Variants in GPC5 observed in about 807,000 individuals in gnomAD.
The protein encoded by GPC5 is glypican 5, also known as glypican-5.
Under a neutral mutation model 53.9 loss-of-function variants are expected in GPC5, and 47 were observed. That is an observed-to-expected ratio of 0.87 (90% CI 0.69 to 1.11). GPC5 has a LOEUF of 1.11. GPC5 is among the 50% of genes most tolerant of loss of function. The probability of loss-of-function intolerance (pLI) is 0.00; values close to 1 mark genes in which losing one functional copy is unlikely to be tolerated. For synonymous variants in GPC5, 286 were observed against 263.3 expected (o/e 1.09, Z -0.84); for missense variants, 748 against 713.1 (o/e 1.05, Z -0.56).
intron 7 of GPC5, among the ~76,000 whole-genome samples, chr13:92,382,565 CTGAAGT>C (rs2043757935): frequency 3.1e-5 from 1 of 32,780 alleles, no homozygotes; most frequent in Non-Finnish European, 6.6e-5. Context: ...ACTTCTTTGA[CTGAAGT>C]TGTTCACACC....
At chr13:92,614,482 T>C (rs1343170352) in intron 7 of GPC5, among the ~76,000 whole-genome samples, 1 of 152,186 alleles carries the variant, frequency 6.6e-6, no homozygotes, top group Non-Finnish European at 1.5e-5. Context: ...GATAAATCTA[T>C]CATAAAAGTC....
rs1447307595 is a variant in GPC5, at chr13:92,521,116, G to A, written c.1562-345166G>A. 3.9e-5 allele frequency among the ~76,000 whole-genome samples: 6 copies of A among 152,206 alleles called. No homozygotes were observed. In the South Asian group the frequency reaches 8.3e-4, roughly 21 times the overall value. On this transcript the variant is annotated intron_variant, in intron 7 of 7. Transcript: ENST00000377067. ...GGAGAACTACAAACCACTGCTCAAC[G>A]AAATAAAAGAGGATATAAACAAGTG...
intron 7 of GPC5, among the ~76,000 whole-genome samples, chr13:92,645,037 C>T (rs537615903): frequency 6.6e-6 from 1 of 152,148 alleles, no homozygotes; most frequent in Non-Finnish European, 1.5e-5. Flanking sequence ...AGGTGACATT[C>T]ACTAATTCTA....
intron 2 of GPC5, among the ~76,000 whole-genome samples, chr13:91,613,810 A>C (rs866340180): frequency 1.3e-5 from 2 of 152,212 alleles, no homozygotes; most frequent in Non-Finnish European, 2.9e-5. Flanking sequence ...CACCATATTC[A>C]TGGTTACTGA....
At chr13:92,317,790 C>A (rs963600730) in intron 7 of GPC5, among the ~76,000 whole-genome samples, 2 of 152,102 alleles carry the variant, frequency 1.3e-5, no homozygotes, top group Non-Finnish European at 2.9e-5. Flanking sequence ...CATGAGCCAC[C>A]GCACCCGGCC....
intron 7 of GPC5, among the ~76,000 whole-genome samples, chr13:92,815,325 T>C (rs556022612): frequency 2.0e-4 from 30 of 152,086 alleles, no homozygotes; most frequent in Admixed American, 2.6e-4. Context: ...TCCCACTTCA[T>C]TGGAGCAGAG....
intron 2 of GPC5, among the ~76,000 whole-genome samples, chr13:91,593,132 C>T (rs2032865748): frequency 6.6e-6 from 1 of 152,214 alleles, no homozygotes; most frequent in Admixed American, 6.5e-5. Context: ...AGGTTCATCG[C>T]AAGGGTGAGC....
At chr13:92,391,198 ACATTAATAT>A (rs942503061) in intron 7 of GPC5, among the ~76,000 whole-genome samples, 6 of 152,158 alleles carry the variant, frequency 3.9e-5, no homozygotes, top group African/African-American at 1.4e-4. Context: ...ATTACATTTT[ACATTAATAT>A]CATTAATTCT....
rs539144791 is a variant in GPC5 at position 92,442,536 on chromosome 13, A to T, written c.1561+297547A>T. Among the ~76,000 whole-genome samples the T allele has an allele frequency of 7.9e-5, 12 of 152,286 alleles. 1 individual carries two copies. The Middle Eastern group carries it at 0.01, about 129-fold the overall frequency. On this transcript the variant is annotated intron_variant, in intron 7 of 7. Transcript: ENST00000377067. ...ATTTTTAGACATTATTTTTAAATGT[A>T]TATATCAACTGTTTTCACTCATCAA...
chr13:91,554,718 G>A (rs2030845809), intron 2 of GPC5, among the ~76,000 whole-genome samples: 1 of 152,092 alleles, frequency 6.6e-6, no homozygotes, highest in Non-Finnish European at 1.5e-5. Flanking sequence ...GTTAGACTCT[G>A]TCGTGGTGAA....
chr13:92,169,290 A>G (rs916869436), intron 7 of GPC5, among the ~76,000 whole-genome samples: 1 of 152,232 alleles, frequency 6.6e-6, no homozygotes, highest in Non-Finnish European at 1.5e-5. Context: ...GCACATGTTT[A>G]CCTATGTAAC....
At chr13:92,124,161 C>G (rs1594772774) in intron 6 of GPC5, among the ~76,000 whole-genome samples, 1 of 135,024 alleles carries the variant, frequency 7.4e-6, no homozygotes, top group Middle Eastern at 4.6e-3. Context: ...CAAATAAAGA[C>G]AGACATATTC....
chr13:92,753,179 C>T (rs1874671848), intron 7 of GPC5, among the ~76,000 whole-genome samples: 1 of 152,142 alleles, frequency 6.6e-6, no homozygotes, highest in East Asian at 1.9e-4. Context: ...GGTCCCTGAC[C>T]CCTGACCCCC....
chr13:92,789,128 C>A (rs1455678642), intron 7 of GPC5, among the ~76,000 whole-genome samples: 1 of 152,100 alleles, frequency 6.6e-6, no homozygotes, highest in Non-Finnish European at 1.5e-5. Flanking sequence ...CATGTTCAGT[C>A]ATTGGCTGGG....
At chr13:91,990,612 T>C (rs1416335367) in intron 6 of GPC5, among the ~76,000 whole-genome samples, 1 of 152,248 alleles carries the variant, frequency 6.6e-6, no homozygotes, top group African/African-American at 2.4e-5. Context: ...TTTTGTATCT[T>C]ATTTTATACT....
intron 7 of GPC5, among the ~76,000 whole-genome samples, chr13:92,665,725 C>T (rs927269057): frequency 2.6e-5 from 4 of 152,096 alleles, no homozygotes; most frequent in African/African-American, 9.7e-5. Context: ...AGGGAAGAGA[C>T]ATTTTGAATT....
chr13:92,156,370 G>T (rs1278073373), intron 7 of GPC5, among the ~76,000 whole-genome samples: 2 of 152,084 alleles, frequency 1.3e-5, no homozygotes, highest in Non-Finnish European at 2.9e-5. Context: ...GGGCATAAAT[G>T]TTCACAGTTC....
chr13:91,398,901 G>C lies in GPC5; in HGVS notation c.-146G>C. 1.0e-6 allele frequency: 1 copy of C among 969,020 alleles called. No homozygotes were observed. Among genetic ancestry groups the C allele is most frequent in the Non-Finnish European group, 1.5e-6 (1 of 684,752 alleles). The allele number at this position is 969,020 out of a possible 1,614,324, so 60.0% of individuals were successfully genotyped here. On this transcript the variant is annotated 5_prime_UTR_variant, in exon 1 of 8. Transcript: ENST00000377067. ...GAGCTAACTGCTCCCAGGTGAAGCC[G>C]GTGCCCGCGGGCGGTCCGTACACCC... is the stretch of plus-strand genomic sequence containing the variant.
chr13:92,054,212 CTTTG>C (rs1317846072), intron 6 of GPC5, among the ~76,000 whole-genome samples: 4 of 147,400 alleles, frequency 2.7e-5, no homozygotes, highest in Admixed American at 6.8e-5. Flanking sequence ...TGAATTCTGA[CTTTG>C]TTTATTAAGC....
Sources: allele counts gnomAD v4.1 joint callset (sites outside exome capture counted in the v4.1 genomes callset), GRCh38; gene constraint gnomAD v4.1.1; transcripts MANE v1.5; gene names NCBI Gene and HGNC (gene_info 2026-07-23, HGNC 2026-07-21).